The following DPY30 variants were observed in gnomAD, a reference collection of about 807,000 sequenced individuals.
DPY30 encodes dpy-30 histone methyltransferase complex regulatory subunit, also known as protein dpy-30 homolog.
In DPY30, 6 loss-of-function variants were observed where a neutral mutation model predicts 16.2. That is an observed-to-expected ratio of 0.37 (90% CI 0.20 to 0.73). The LOEUF (loss-of-function observed/expected upper bound fraction) is 0.73, where lower values mean the gene tolerates loss of function less well. Among genes scored for constraint, DPY30 ranks in the 30% least tolerant of loss-of-function variants. DPY30 has a pLI of 0.51. For synonymous variants in DPY30, 39 were observed against 38.8 expected (o/e 1.00, Z -0.02); for missense variants, 73 against 113.1 (o/e 0.65, Z 1.61).
downstream of DPY30, among the ~76,000 whole-genome samples, chr2:32,022,573 A>G (rs1375007244): frequency 6.6e-6 from 1 of 151,264 alleles, no homozygotes; most frequent in African/African-American, 2.4e-5. Context: ...GCTGGAGTGC[A>G]GTGGCACAAT....
At chr2:32,039,231 A>G in intron 3 of DPY30, 48 bp downstream of exon 3, 1 of 1,612,686 alleles carries the variant, frequency 6.2e-7, no homozygotes, top group Non-Finnish European at 8.5e-7. Flanking sequence ...AGTTTTCTCC[A>G]GCTTGCAAGA....
In DPY30 at chr2:32,023,960, CTG is replaced by C; in HGVS notation, c.*222_*223del. The stretch of plus-strand genomic sequence containing the variant: ...TTTTAAAAACAAAGTTAAAGACAAT[CTG>C]AGAAAAAAATTGCACAGAATACACT... On this transcript the variant is annotated 3_prime_UTR_variant, in exon 5 of 5. Transcript: ENST00000342166. 1 of 1,406,992 alleles carries C rather than the reference CTG, an allele frequency of 7.1e-7. No homozygotes were observed. The highest frequency in any genetic ancestry group is 1.5e-5 in the South Asian group (1 of 66,838). 87.2% of individuals were successfully genotyped at this position (1,406,992 alleles called of 1,614,324 possible). A position where few individuals can be genotyped will look rare whatever the true frequency, so the allele number is the denominator to read the frequency against.
chr2:32,034,229 C>A (rs1421242289), intron 3 of DPY30, among the ~76,000 whole-genome samples: 1 of 152,148 alleles, frequency 6.6e-6, no homozygotes, highest in Non-Finnish European at 1.5e-5. Context: ...TTGTGTTAGT[C>A]CATTTGCATT....
intron 3 of DPY30, among the ~76,000 whole-genome samples, chr2:32,034,858 G>C (rs1444857176): frequency 6.6e-6 from 1 of 152,012 alleles, no homozygotes; most frequent in Non-Finnish European, 1.5e-5. Flanking sequence ...AATTCGGCAG[G>C]CATGGTGGCA....
At chr2:32,015,611 G>A (rs1218119522) in intron 5 of DPY30, among the ~76,000 whole-genome samples, 2 of 151,968 alleles carry the variant, frequency 1.3e-5, no homozygotes, top group African/African-American at 2.4e-5. Context: ...ATTTGGGGAG[G>A]CCAAGGCAGG....
chr2:32,035,545 G>C (rs949821786), intron 3 of DPY30, among the ~76,000 whole-genome samples: 1 of 150,386 alleles, frequency 6.6e-6, no homozygotes, highest in Admixed American at 6.7e-5. Flanking sequence ...AGCCAAGATC[G>C]CGCCACTGCA....
chr2:32,017,135 G>T (rs1197962844), intron 5 of DPY30, among the ~76,000 whole-genome samples: 1 of 151,774 alleles, frequency 6.6e-6, no homozygotes. Flanking sequence ...CACCCACCTC[G>T]GCTTCCCAAA....
At chr2:32,023,081 G>A (rs961550479), downstream of DPY30, among the ~76,000 whole-genome samples, 5 of 151,592 alleles carry the variant, frequency 3.3e-5, no homozygotes, top group Admixed American at 1.3e-4. Context: ...ACTTTGGGGG[G>A]CCAAGGCAGG....
chr2:32,031,472 C>T (rs190629065), intron 3 of DPY30, among the ~76,000 whole-genome samples: 1 of 152,080 alleles, frequency 6.6e-6, no homozygotes, highest in East Asian at 1.9e-4. Flanking sequence ...TGGTGCACAC[C>T]TGTAATGCCA....
chr2:32,030,801 A>C (rs1372388011), intron 3 of DPY30, among the ~76,000 whole-genome samples: 3 of 151,998 alleles, frequency 2.0e-5, no homozygotes, highest in East Asian at 3.9e-4. Context: ...CCTGTCTCTA[A>C]ATAAATAAAT....
intron 5 of DPY30, among the ~76,000 whole-genome samples, chr2:32,014,903 T>A (rs997403031): frequency 6.6e-6 from 1 of 152,176 alleles, no homozygotes; most frequent in African/African-American, 2.4e-5. Flanking sequence ...TCCATTTGTA[T>A]AGAAATGAAT....
At chr2:32,036,897 C>A (rs1047024109) in intron 3 of DPY30, among the ~76,000 whole-genome samples, 17 of 151,880 alleles carry the variant, frequency 1.1e-4, no homozygotes, top group Non-Finnish European at 5.9e-5. Context: ...TACACCAAGA[C>A]ACGCCACAAC....
At chr2:32,026,136 A>C (rs563933344) in intron 4 of DPY30, among the ~76,000 whole-genome samples, 1 of 152,280 alleles carries the variant, frequency 6.6e-6, no homozygotes, top group South Asian at 2.1e-4. Context: ...TTTAACAAAA[A>C]ATATATTTAC....
chr2:32,014,203 C>T lies in DPY30; in HGVS notation n.378-2151G>A, dbSNP rs566247813. ...GCACCCATTAAAAAGAATGAAGTGG[C>T]TGGGCACAGTGGCTCATGCCTGTAA... On this transcript the variant is annotated intron_variant and non_coding_transcript_variant, in intron 5 of 5. Transcript: ENST00000414013. Among the ~76,000 whole-genome samples the T allele has an allele frequency of 4.0e-3, 608 of 152,222 alleles. 3 individuals carry two copies. The highest frequency in any genetic ancestry group is 6.1e-3 in the Non-Finnish European group (413 of 68,016).
At chr2:32,016,812 C>T (rs971287387) in intron 5 of DPY30, among the ~76,000 whole-genome samples, 1 of 152,052 alleles carries the variant, frequency 6.6e-6, no homozygotes, top group Non-Finnish European at 1.5e-5. Context: ...ATTAAATGGT[C>T]AAAGGTTAGG....
At chr2:32,039,124 A>T (rs1176184651) in intron 3 of DPY30, among the ~76,000 whole-genome samples, 155 bp downstream of exon 3, 5 of 152,208 alleles carry the variant, frequency 3.3e-5, no homozygotes, top group Non-Finnish European at 1.5e-5. Context: ...AAGCATTAGT[A>T]CTGCTAATAA....
At chr2:32,028,610 G>A in intron 4 of DPY30, among the ~76,000 whole-genome samples, 1 of 152,098 alleles carries the variant, frequency 6.6e-6, no homozygotes. Context: ...AGATCATTCT[G>A]GCCAACATGG....
chr2:32,036,461 G>C (rs1675741865), intron 3 of DPY30, among the ~76,000 whole-genome samples: 1 of 152,040 alleles, frequency 6.6e-6, no homozygotes, highest in Non-Finnish European at 1.5e-5. Context: ...CACGAGGTCA[G>C]GAGATCGAGA....
chr2:32,038,412 G>GCC, intron 3 of DPY30, among the ~76,000 whole-genome samples: 1 of 102,206 alleles, frequency 9.8e-6, no homozygotes, highest in South Asian at 4.3e-4. Flanking sequence ...TATTTTGAGG[G>GCC]GGGGGGGGGC....
Sources: allele counts gnomAD v4.1 joint callset (sites outside exome capture counted in the v4.1 genomes callset), GRCh38; gene constraint gnomAD v4.1.1; transcripts MANE v1.5; gene names NCBI Gene and HGNC (gene_info 2026-07-23, HGNC 2026-07-21).